Variants in GAS7 observed in about 807,000 individuals in gnomAD.
The protein encoded by GAS7 is growth arrest specific 7.
GAS7 carries 28 observed loss-of-function variants against 71.1 expected under a neutral mutation model. That is an observed-to-expected ratio of 0.39 (90% CI 0.29 to 0.54). The LOEUF (loss-of-function observed/expected upper bound fraction) is 0.54. Among genes scored for constraint, GAS7 ranks in the 20% least tolerant of loss-of-function variants. The pLI is 0.62. For missense variants in GAS7, 436 were observed against 627.8 expected, an observed-to-expected ratio of 0.69 and a Z score of 3.27; for synonymous variants, 258 against 245.8, an observed-to-expected ratio of 1.05 and a Z score of -0.46.
At position 9,919,842 on chromosome 17, in the gene GAS7, CA is replaced by C; in HGVS notation, c.1139-138del. 1.4e-6 allele frequency: 1 copy of C among 722,830 alleles called. No individual in the cohort carries two copies. Among genetic ancestry groups the C allele is most frequent in the East Asian group, 2.5e-5 (1 of 39,946 alleles). The allele number at this position is 722,830 out of a possible 1,614,324, so 44.8% of individuals were successfully genotyped here. On this transcript the variant is annotated intron_variant, in intron 11 of 13. Coordinates refer to ENST00000432992, the MANE Select transcript of GAS7 (RefSeq NM_201433.2). This position sits in a 1 kb window ranked among gnomAD's most constrained non-coding sequence, Gnocchi z 5.0. ...CGCTGGAAAGCTGGAAAAGGGATGGCAGTAGGAAGAAGAAGAAAGCAGAGCC... is the reference window on the plus strand; with the variant it reads ...CGCTGGAAAGCTGGAAAAGGGATGGCGTAGGAAGAAGAAGAAAGCAGAGCC...
intron 1 of GAS7, among the ~76,000 whole-genome samples, chr17:10,107,910 G>A (rs1022101512): frequency 2.0e-5 from 3 of 152,042 alleles, no homozygotes; most frequent in African/African-American, 7.2e-5. Context: ...CAGTCCAGTG[G>A]TGGTGGGCTG....
chr17:10,074,001 G>C (rs959934509), intron 1 of GAS7, among the ~76,000 whole-genome samples: 11 of 152,158 alleles, frequency 7.2e-5, no homozygotes, highest in African/African-American at 2.4e-4. Flanking sequence ...TATATGTCAG[G>C]CGCTGAGAAT....
intron 6 of GAS7, among the ~76,000 whole-genome samples, 190 bp from the exon 7 acceptor site, chr17:9,943,426 T>C (rs889904856): frequency 3.9e-5 from 6 of 152,138 alleles, no homozygotes; most frequent in African/African-American, 1.4e-4. Flanking sequence ...CAGCGCTTTC[T>C]GATGCTCAGG....
chr17:10,073,986 C>A (rs1243448957), intron 1 of GAS7, among the ~76,000 whole-genome samples: 1 of 152,210 alleles, frequency 6.6e-6, no homozygotes, highest in African/African-American at 2.4e-5. Flanking sequence ...TTATTGGGCA[C>A]CTACTATATG....
chr17:10,088,538 G>A (rs928718091), intron 1 of GAS7, among the ~76,000 whole-genome samples: 5 of 152,106 alleles, frequency 3.3e-5, no homozygotes, highest in African/African-American at 1.2e-4. Context: ...GGGCAGGAGG[G>A]GCAGTTCCAC....
chr17:10,069,680 G>C (rs1444275427), intron 1 of GAS7, among the ~76,000 whole-genome samples: 1 of 152,080 alleles, frequency 6.6e-6, no homozygotes, highest in Non-Finnish European at 1.5e-5. Flanking sequence ...AGTATCTCCC[G>C]GGAGCCTATC....
chr17:10,092,595 G>C (rs998089963), intron 1 of GAS7, among the ~76,000 whole-genome samples: 12 of 152,228 alleles, frequency 7.9e-5, no homozygotes, highest in African/African-American at 2.9e-4. Context: ...AGTGCTTGCT[G>C]CATTAGTTTC....
At position 10,135,884 on chromosome 17, in the gene GAS7, G is replaced by A. The variant is rs2074033810; in HGVS notation, c.183+62324C>T. Among the ~76,000 whole-genome samples the A allele has an allele frequency of 2.6e-5, 4 of 152,326 alleles. 1 individual carries two copies. The South Asian group carries it at 8.3e-4, about 32-fold the overall frequency. On this transcript the variant is annotated intron_variant, in intron 1 of 13. Coordinates refer to ENST00000432992, the MANE Select transcript of GAS7 (RefSeq NM_201433.2). ...AGAGAACTCAACTTAGCAGAAAACAGTAGGGGAAGACTTGAGGCTGTAATA... is the reference window on the plus strand; with the variant it reads ...AGAGAACTCAACTTAGCAGAAAACAATAGGGGAAGACTTGAGGCTGTAATA...
chr17:10,123,044 C>T (rs1444049647), intron 1 of GAS7, among the ~76,000 whole-genome samples: 1 of 152,130 alleles, frequency 6.6e-6, no homozygotes, highest in Non-Finnish European at 1.5e-5. Flanking sequence ...GTTGCTCAGG[C>T]TGGTCTCAAA....
At chr17:10,102,497 C>T (rs181941454) in intron 1 of GAS7, among the ~76,000 whole-genome samples, 15 of 152,224 alleles carry the variant, frequency 9.9e-5, no homozygotes, top group South Asian at 4.1e-4. Context: ...GAATGGCCTC[C>T]GCATGCTGAT....
intron 2 of GAS7, among the ~76,000 whole-genome samples, chr17:10,002,113 AC>A (rs59657527): frequency 0.24 from 35,900 of 152,158 alleles, 6,475 homozygotes; most frequent in African/African-American, 0.51. Context: ...GGCTGCTATA[AC>A]AAAATGCCAC....
At chr17:9,955,291 G>A (rs1395858218) in intron 5 of GAS7, among the ~76,000 whole-genome samples, 2 of 152,160 alleles carry the variant, frequency 1.3e-5, no homozygotes, top group African/African-American at 4.8e-5. Context: ...TTTTCCTGAT[G>A]GTTAATACCA....
At chr17:10,083,563 G>A (rs573382316) in intron 1 of GAS7, among the ~76,000 whole-genome samples, 10 of 152,372 alleles carry the variant, frequency 6.6e-5, no homozygotes, top group Admixed American at 4.6e-4. Flanking sequence ...CTTGTGCACT[G>A]ATTCCCAAGT....
At chr17:10,111,402 G>A (rs1052734291) in intron 1 of GAS7, among the ~76,000 whole-genome samples, 7 of 152,122 alleles carry the variant, frequency 4.6e-5, no homozygotes, top group Non-Finnish European at 1.0e-4. Context: ...GCGTGGTGTC[G>A]TGCACCTGTA....
intron 1 of GAS7, among the ~76,000 whole-genome samples, chr17:10,158,982 C>G (rs2074228072): frequency 6.8e-6 from 1 of 147,540 alleles, no homozygotes; most frequent in Non-Finnish European, 1.5e-5. Flanking sequence ...ATCACCTGAG[C>G]CCAGGAAGTG....
At chr17:9,967,204 T>A (rs1314898570) in intron 4 of GAS7, among the ~76,000 whole-genome samples, 1 of 151,858 alleles carries the variant, frequency 6.6e-6, no homozygotes, top group Non-Finnish European at 1.5e-5. Flanking sequence ...AAAAATTGTA[T>A]CTGCCTTCTA....
At chr17:10,187,384 C>T (rs2074463542) in intron 1 of GAS7, among the ~76,000 whole-genome samples, 1 of 152,170 alleles carries the variant, frequency 6.6e-6, no homozygotes, top group Non-Finnish European at 1.5e-5. Flanking sequence ...ATAGCACACA[C>T]CCCCACAATG....
intron 8 of GAS7, 50 bp from the exon 9 acceptor site, chr17:9,934,294 G>C: frequency 7.7e-7 from 1 of 1,292,916 alleles, no homozygotes; most frequent in Non-Finnish European, 1.1e-6. Context: ...AGCCCTTCCT[G>C]AGGCAGGATG....
At chr17:9,967,093 A>C (rs2069746496) in intron 4 of GAS7, among the ~76,000 whole-genome samples, 1 of 151,654 alleles carries the variant, frequency 6.6e-6, no homozygotes, top group Non-Finnish European at 1.5e-5. Flanking sequence ...GCCTGTCTTT[A>C]GGCAGCCACT....
Sources: allele counts gnomAD v4.1 joint callset (sites outside exome capture counted in the v4.1 genomes callset), GRCh38; gene constraint gnomAD v4.1.1; non-coding constraint Gnocchi (gnomAD v3.1); transcripts MANE v1.5; gene names NCBI Gene and HGNC (gene_info 2026-07-23, HGNC 2026-07-21).